OSBPL10: variants seen among roughly 807,000 people sequenced by gnomAD.
OSBPL10 encodes the protein oxysterol-binding protein-related protein 10.
Under a neutral mutation model 81.7 loss-of-function variants are expected in OSBPL10, and 49 were observed. That is an observed-to-expected ratio of 0.60 (90% CI 0.48 to 0.76). The LOEUF (loss-of-function observed/expected upper bound fraction) is 0.76. Ranked by LOEUF, OSBPL10 falls within the 30% of genes least tolerant of loss-of-function variation. OSBPL10 has a pLI of 0.00. For missense variants in OSBPL10, 923 were observed against 987.8 expected (o/e 0.93, Z 0.88); for synonymous variants, 419 against 383.6 (o/e 1.09, Z -1.08).
At chr3:31,776,746 C>T (rs1698558005) in intron 4 of OSBPL10, among the ~76,000 whole-genome samples, 1 of 152,110 alleles carries the variant, frequency 6.6e-6, no homozygotes, top group Non-Finnish European at 1.5e-5. Context: ...AGAGGCAAAT[C>T]CACAGAACCA....
At chr3:31,887,720 T>A (rs1167126413) in intron 1 of OSBPL10, among the ~76,000 whole-genome samples, 1 of 152,150 alleles carries the variant, frequency 6.6e-6, no homozygotes, top group Non-Finnish European at 1.5e-5. Flanking sequence ...TTCCTGGAAG[T>A]AAGACACTGG....
At chr3:31,934,301 C>CA (rs1697326796) in intron 1 of OSBPL10, among the ~76,000 whole-genome samples, 1 of 143,554 alleles carries the variant, frequency 7.0e-6, no homozygotes, top group African/African-American at 2.7e-5. Context: ...AAAACAACAA[C>CA]AACAAAAAAA....
At chr3:31,705,599 C>A (rs536313332) in intron 6 of OSBPL10, among the ~76,000 whole-genome samples, 1 of 152,222 alleles carries the variant, frequency 6.6e-6, no homozygotes, top group South Asian at 2.1e-4. Context: ...CTTTCAGGGT[C>A]AAGGGTTTGT....
intron 1 of OSBPL10, among the ~76,000 whole-genome samples, chr3:31,892,751 T>C (rs961652181): frequency 2.6e-5 from 4 of 152,118 alleles, no homozygotes; most frequent in East Asian, 3.9e-4. Context: ...GCTCACATGA[T>C]TCGGATCATC....
At chr3:31,776,236 A>C (rs1318399719) in intron 4 of OSBPL10, among the ~76,000 whole-genome samples, 1 of 152,210 alleles carries the variant, frequency 6.6e-6, no homozygotes, top group African/African-American at 2.4e-5. Context: ...ATCATTACTC[A>C]TGAGGGATGT....
chr3:31,910,407 G>A (rs1294073491), intron 1 of OSBPL10, among the ~76,000 whole-genome samples: 3 of 151,980 alleles, frequency 2.0e-5, no homozygotes, highest in Non-Finnish European at 4.4e-5. Context: ...AGCTGAGGCA[G>A]GCAGATTACC....
intron 1 of OSBPL10, among the ~76,000 whole-genome samples, chr3:31,928,580 G>A (rs904199958): frequency 6.6e-6 from 1 of 151,800 alleles, no homozygotes; most frequent in Non-Finnish European, 1.5e-5. Context: ...TTCAAGACCA[G>A]TCTGGCCAAC....
chr3:31,927,252 C>T (rs1697101789), intron 1 of OSBPL10, among the ~76,000 whole-genome samples: 1 of 152,122 alleles, frequency 6.6e-6, no homozygotes. Flanking sequence ...TTTCAATTAC[C>T]ATGAAAAACA....
intron 1 of OSBPL10, among the ~76,000 whole-genome samples, chr3:31,902,718 A>G (rs1696286009): frequency 6.6e-6 from 1 of 152,016 alleles, no homozygotes; most frequent in Admixed American, 6.5e-5. Context: ...ACCCGCCACC[A>G]CGCCTGGCTA....
chr3:31,762,214 T>C (rs1242734293), intron 4 of OSBPL10, among the ~76,000 whole-genome samples: 1 of 152,174 alleles, frequency 6.6e-6, no homozygotes, highest in Non-Finnish European at 1.5e-5. Context: ...ACCCAGCATT[T>C]AGCTCAAGGA....
At chr3:31,912,118 G>C (rs1000078867) in intron 1 of OSBPL10, among the ~76,000 whole-genome samples, 2 of 152,076 alleles carry the variant, frequency 1.3e-5, no homozygotes, top group Admixed American at 6.6e-5. Flanking sequence ...AAAATTGGCT[G>C]GGCGCAGTGG....
At chr3:32,071,620 T>C (rs1177767219) in intron 1 of OSBPL10, among the ~76,000 whole-genome samples, 2 of 152,250 alleles carry the variant, frequency 1.3e-5, no homozygotes, top group African/African-American at 4.8e-5. Context: ...ACCACCCTAA[T>C]ACTTTTAGAG....
chr3:31,886,893 C>T (rs1270566761), intron 1 of OSBPL10, among the ~76,000 whole-genome samples: 1 of 151,660 alleles, frequency 6.6e-6, no homozygotes, highest in Non-Finnish European at 1.5e-5. Context: ...GAGCCGAGGT[C>T]ATGCCACTGC....
At chr3:31,662,734 C>CT (rs1227735634) in intron 11 of OSBPL10, 1 of 985,304 alleles carries the variant, frequency 1.0e-6, no homozygotes, top group Non-Finnish European at 1.2e-6. Context: ...ACTGGCTTTT[C>CT]TTAAACTCAG....
At chr3:31,684,806 T>C (rs1268028125) in intron 7 of OSBPL10, among the ~76,000 whole-genome samples, 1 of 152,316 alleles carries the variant, frequency 6.6e-6, no homozygotes, top group African/African-American at 2.4e-5. Flanking sequence ...TCAAGGCTGG[T>C]CCAGGAGAAA....
At chr3:31,956,574 A>C (rs1028936588) in intron 1 of OSBPL10, among the ~76,000 whole-genome samples, 2 of 152,012 alleles carry the variant, frequency 1.3e-5, no homozygotes, top group Non-Finnish European at 2.9e-5. Flanking sequence ...CAAAACAAAA[A>C]AAAATTAGCT....
chr3:31,890,256 C>T (rs1575601318), intron 1 of OSBPL10, among the ~76,000 whole-genome samples: 1 of 151,040 alleles, frequency 6.6e-6, no homozygotes, highest in African/African-American at 2.4e-5. Context: ...ACCCATATAA[C>T]CAAGATGAAT....
chr3:31,673,028 A>G (rs1022509458), intron 8 of OSBPL10, among the ~76,000 whole-genome samples: 2 of 152,146 alleles, frequency 1.3e-5, no homozygotes, highest in Non-Finnish European at 2.9e-5. Context: ...CTCCACTCCA[A>G]CTTGCTGGAG....
intron 5 of OSBPL10, among the ~76,000 whole-genome samples, chr3:31,745,291 A>C (rs539659823): frequency 6.6e-6 from 1 of 152,104 alleles, no homozygotes; most frequent in South Asian, 2.1e-4. Context: ...TCCTTTTTTC[A>C]AAAGAAATAC....
Sources: allele counts gnomAD v4.1 joint callset (sites outside exome capture counted in the v4.1 genomes callset), GRCh38; gene constraint gnomAD v4.1.1; transcripts MANE v1.5; gene names NCBI Gene and HGNC (gene_info 2026-07-23, HGNC 2026-07-21).